AGBL4: variants seen among roughly 807,000 people sequenced by gnomAD.
AGBL4 encodes cytosolic carboxypeptidase 6.
Under a neutral mutation model 66.4 loss-of-function variants are expected in AGBL4, and 58 were observed. The ratio of observed to expected loss-of-function variants is 0.87; its 90% confidence interval spans 0.71 to 1.09. The LOEUF is 1.09. Ranked by LOEUF, AGBL4 falls within the 50% of genes least tolerant of loss-of-function variation. AGBL4 has a pLI of 0.00. For synonymous variants in AGBL4, 234 were observed against 222.9 expected, an observed-to-expected ratio of 1.05 and a Z score of -0.44; for missense variants, 579 against 631.0, an observed-to-expected ratio of 0.92 and a Z score of 0.88.
intron 11 of AGBL4, among the ~76,000 whole-genome samples, chr1:48,559,936 T>C (rs1207813893): frequency 1.3e-5 from 2 of 152,170 alleles, no homozygotes; most frequent in Admixed American, 6.5e-5. Context: ...GTTTAATAAC[T>C]ATTGATGGAG....
intron 4 of AGBL4, among the ~76,000 whole-genome samples, chr1:49,084,425 T>C (rs1386929776): frequency 6.6e-6 from 1 of 152,224 alleles, no homozygotes; most frequent in East Asian, 1.9e-4. Context: ...CTCATGATCA[T>C]GGCAGAGGGT....
intron 1 of AGBL4, among the ~76,000 whole-genome samples, chr1:50,008,049 G>C (rs910897964): frequency 6.6e-6 from 1 of 151,202 alleles, no homozygotes; most frequent in South Asian, 2.1e-4. Flanking sequence ...GAGTTGAAGA[G>C]ATAGATAGAC....
chr1:48,890,630 C>T (rs1288208066), intron 5 of AGBL4, among the ~76,000 whole-genome samples: 2 of 151,982 alleles, frequency 1.3e-5, no homozygotes, highest in African/African-American at 2.4e-5. Flanking sequence ...TTGTGGATGT[C>T]CTTGAGGGGA....
chr1:49,539,579 A>G (rs1372831317), intron 3 of AGBL4, among the ~76,000 whole-genome samples: 2 of 151,846 alleles, frequency 1.3e-5, no homozygotes, highest in African/African-American at 4.8e-5. Flanking sequence ...TGCTCCTTGA[A>G]CTCTTCCTAC....
chr1:49,398,948 AT>A (rs1035665992), intron 3 of AGBL4, among the ~76,000 whole-genome samples: 3 of 151,144 alleles, frequency 2.0e-5, no homozygotes, highest in Non-Finnish European at 4.4e-5. Flanking sequence ...ATTCATTCTG[AT>A]TTTTTTTTGT....
intron 3 of AGBL4, among the ~76,000 whole-genome samples, chr1:49,272,368 T>A (rs780436670): frequency 6.6e-6 from 1 of 152,154 alleles, no homozygotes; most frequent in South Asian, 2.1e-4. Flanking sequence ...CTTAATGGGC[T>A]CCACCCTGAG....
chr1:49,006,625 C>T (rs1661849198), intron 5 of AGBL4, among the ~76,000 whole-genome samples: 1 of 151,920 alleles, frequency 6.6e-6, no homozygotes, highest in Non-Finnish European at 1.5e-5. Context: ...TTAAATGTCC[C>T]TGTCTGACAG....
At chr1:48,602,857 C>T (rs1645094294) in intron 9 of AGBL4, among the ~76,000 whole-genome samples, 1 of 152,112 alleles carries the variant, frequency 6.6e-6, no homozygotes, top group Admixed American at 6.6e-5. Flanking sequence ...TTCTTCTGTT[C>T]CCCCTTTCCC....
chr1:49,631,416 C>T (rs902752234), intron 3 of AGBL4, among the ~76,000 whole-genome samples: 1 of 152,130 alleles, frequency 6.6e-6, no homozygotes, highest in African/African-American at 2.4e-5. Flanking sequence ...AGGGCATCAA[C>T]AGAATTTAGC....
At chr1:48,918,371 CTGCTTTGTGGACCAAG>C (rs1192168914) in intron 5 of AGBL4, among the ~76,000 whole-genome samples, 5 of 152,234 alleles carry the variant, frequency 3.3e-5, no homozygotes, top group African/African-American at 1.2e-4. Flanking sequence ...AGTGACCTTT[CTGCTTTGTGGACCAAG>C]TGTCACAGAT....
At chr1:49,787,063 C>T (rs1214605980) in intron 2 of AGBL4, among the ~76,000 whole-genome samples, 6 of 152,150 alleles carry the variant, frequency 3.9e-5, no homozygotes, top group African/African-American at 1.4e-4. Flanking sequence ...CTCCCTAAGT[C>T]CCCCCTGTAA....
chr1:48,992,602 C>T (rs1330246918), intron 5 of AGBL4, among the ~76,000 whole-genome samples: 1 of 152,138 alleles, frequency 6.6e-6, no homozygotes, highest in African/African-American at 2.4e-5. Context: ...GTTCCTCCCA[C>T]AACCCTTGGT....
At chr1:49,951,299 T>C (rs965243647) in intron 1 of AGBL4, among the ~76,000 whole-genome samples, 13 of 151,868 alleles carry the variant, frequency 8.6e-5, no homozygotes, top group Non-Finnish European at 1.9e-4. Context: ...TGGAGTCACT[T>C]GTGTCAAATC....
chr1:49,427,064 G>A (rs1445344634), intron 3 of AGBL4, among the ~76,000 whole-genome samples: 1 of 152,044 alleles, frequency 6.6e-6, no homozygotes, highest in East Asian at 1.9e-4. Flanking sequence ...ATGTAGTGAG[G>A]CATTTATTTT....
chr1:48,649,347 C>T (rs1371696084), intron 8 of AGBL4, among the ~76,000 whole-genome samples: 1 of 152,172 alleles, frequency 6.6e-6, no homozygotes, highest in Non-Finnish European at 1.5e-5. Context: ...GCAAATGTAA[C>T]TGAGGTGCAG....
intron 5 of AGBL4, among the ~76,000 whole-genome samples, chr1:48,940,522 G>A (rs1271348784): frequency 7.2e-5 from 11 of 152,176 alleles, no homozygotes; most frequent in Non-Finnish European, 1.6e-4. Context: ...CCCTTTGTAG[G>A]CTACAAGTAG....
At chr1:49,938,124 G>A (rs1422019931) in intron 1 of AGBL4, among the ~76,000 whole-genome samples, 1 of 149,930 alleles carries the variant, frequency 6.7e-6, no homozygotes, top group East Asian at 2.0e-4. Context: ...AGAAAAGAGA[G>A]AAGAATCAAA....
At chr1:49,536,953 G>A (rs1386854968) in intron 3 of AGBL4, among the ~76,000 whole-genome samples, 1 of 151,466 alleles carries the variant, frequency 6.6e-6, no homozygotes, top group Non-Finnish European at 1.5e-5. Context: ...GTTGCAGTGA[G>A]CCAAGATCAT....
chr1:48,631,451 C>T (rs113704702), intron 9 of AGBL4, among the ~76,000 whole-genome samples: 10,479 of 152,170 alleles, frequency 0.069, 489 homozygotes, highest in African/African-American at 0.13. Context: ...AGTGCAGTGG[C>T]GCAGTCTTGG....
Sources: gnomAD v4.1 joint callset for allele counts (sites outside exome capture counted in the v4.1 genomes callset) on GRCh38, gnomAD v4.1.1 for gene constraint, MANE v1.5 for transcripts, NCBI Gene and HGNC (gene_info 2026-07-23, HGNC 2026-07-21) for gene names.